NPAS3: variants seen among roughly 807,000 people sequenced by gnomAD.
NPAS3 encodes neuronal PAS domain protein 3, also known as neuronal PAS domain-containing protein 3.
A neutral mutation model predicts 73.1 loss-of-function variants in NPAS3; 14 were observed. The observed-to-expected ratio is 0.19, with a 90% CI of 0.13 to 0.30. The LOEUF is 0.30. NPAS3 is among the 10% of genes least tolerant of loss of function. The pLI is 1.00. For synonymous variants in NPAS3, 620 were observed against 541.5 expected, an observed-to-expected ratio of 1.14 and a Z score of -2.01; for missense variants, 1,096 against 1,250.0, an observed-to-expected ratio of 0.88 and a Z score of 1.86.
chr14:32,999,322 T>G (rs913727402), intron 1 of NPAS3, among the ~76,000 whole-genome samples: 11 of 152,042 alleles, frequency 7.2e-5, no homozygotes, highest in African/African-American at 2.7e-4. Flanking sequence ...CCATCCTGGC[T>G]AACACGGTGA....
At chr14:33,772,178 A>C (rs2062675542) in intron 7 of NPAS3, among the ~76,000 whole-genome samples, 1 of 152,196 alleles carries the variant, frequency 6.6e-6, no homozygotes, top group South Asian at 2.1e-4. Context: ...CGTAATAATA[A>C]AATGTGTAGA....
chr14:33,197,851 TCTCA>T (rs1443801105), intron 2 of NPAS3, among the ~76,000 whole-genome samples: 1 of 152,244 alleles, frequency 6.6e-6, no homozygotes, highest in Non-Finnish European at 1.5e-5. Flanking sequence ...GGATTCTTGG[TCTCA>T]CTGACTTCAA....
At chr14:33,323,864 G>A (rs2043569385) in intron 3 of NPAS3, among the ~76,000 whole-genome samples, 1 of 152,200 alleles carries the variant, frequency 6.6e-6, no homozygotes, top group African/African-American at 2.4e-5. Flanking sequence ...TCTCAAGACA[G>A]GCAGGTAGCC....
intron 4 of NPAS3, among the ~76,000 whole-genome samples, chr14:33,495,270 C>T (rs1010794253): frequency 7.9e-5 from 12 of 151,982 alleles, no homozygotes; most frequent in Admixed American, 1.3e-4. Context: ...TTCAGTTTTC[C>T]GTGTAGTTGT....
intron 2 of NPAS3, among the ~76,000 whole-genome samples, chr14:33,192,187 T>C (rs1323533204): frequency 1.3e-5 from 2 of 152,158 alleles, no homozygotes; most frequent in Admixed American, 1.3e-4. Flanking sequence ...CCTGCCCTCC[T>C]CACCTGTAGA....
At chr14:33,240,035 C>G (rs181848588) in intron 3 of NPAS3, among the ~76,000 whole-genome samples, 153 of 151,890 alleles carry the variant, frequency 1.0e-3, no homozygotes, top group African/African-American at 3.4e-3. Flanking sequence ...TACTAAATAG[C>G]CTATTCCACT....
At chr14:33,711,533 G>C (rs1003802078) in intron 6 of NPAS3, among the ~76,000 whole-genome samples, 1 of 152,148 alleles carries the variant, frequency 6.6e-6, no homozygotes, top group Non-Finnish European at 1.5e-5. Flanking sequence ...TAACTTCAAA[G>C]AATCTTTTGA....
chr14:33,794,668 A>C (rs2063460894), intron 10 of NPAS3, among the ~76,000 whole-genome samples: 1 of 149,600 alleles, frequency 6.7e-6, no homozygotes, highest in Admixed American at 6.7e-5. Flanking sequence ...ACTGCTCTTA[A>C]AATGTGTCCT....
At chr14:33,189,757 C>A (rs536813308) in intron 2 of NPAS3, among the ~76,000 whole-genome samples, 1 of 152,224 alleles carries the variant, frequency 6.6e-6, no homozygotes, top group Admixed American at 6.5e-5. Context: ...GTTTATAGAT[C>A]TAAATACTTG....
intron 2 of NPAS3, among the ~76,000 whole-genome samples, chr14:33,121,187 A>T (rs1157444561): frequency 6.6e-6 from 1 of 152,090 alleles, no homozygotes; most frequent in East Asian, 1.9e-4. Flanking sequence ...CCCTGAGCAC[A>T]TTGTATTCTT....
At chr14:33,620,641 A>G (rs572195217) in intron 5 of NPAS3, among the ~76,000 whole-genome samples, 225 of 152,332 alleles carry the variant, frequency 1.5e-3, no homozygotes, top group African/African-American at 4.9e-3. Flanking sequence ...TTAATTTGAA[A>G]TTAATTTCAA....
intron 2 of NPAS3, among the ~76,000 whole-genome samples, chr14:33,201,572 T>A (rs1189898652): frequency 6.6e-6 from 1 of 152,206 alleles, no homozygotes; most frequent in Admixed American, 6.5e-5. Context: ...AAGATAGGTA[T>A]ATTTAAGAAA....
chr14:33,208,856 C>A (rs1239299456), intron 2 of NPAS3, among the ~76,000 whole-genome samples: 5 of 152,156 alleles, frequency 3.3e-5, no homozygotes, highest in African/African-American at 4.8e-5. Context: ...GAGCATCAGA[C>A]CATCAAACAG....
intron 2 of NPAS3, among the ~76,000 whole-genome samples, chr14:33,092,268 C>CAA (rs554076971): frequency 0.19 from 28,538 of 151,652 alleles, 3,034 homozygotes; most frequent in African/African-American, 0.29. Context: ...GCAACTTCAG[C>CAA]AGTCTCAGGA....
At chr14:33,491,890 T>C (rs2051915451) in intron 4 of NPAS3, among the ~76,000 whole-genome samples, 1 of 152,144 alleles carries the variant, frequency 6.6e-6, no homozygotes, top group African/African-American at 2.4e-5. Context: ...AATGTACACA[T>C]AGCCAAATGT....
intron 9 of NPAS3, chr14:33,780,682 C>T (rs1318998569): frequency 1.6e-5 from 7 of 444,784 alleles, no homozygotes; most frequent in Middle Eastern, 3.3e-4. Context: ...GTTCATTTCT[C>T]CCCATTAAGC....
chr14:33,716,574 C>G (rs2060963029), intron 6 of NPAS3, among the ~76,000 whole-genome samples: 1 of 152,128 alleles, frequency 6.6e-6, no homozygotes, highest in South Asian at 2.1e-4. Context: ...GTCTCTAGAA[C>G]TTTTTCATCA....
At chr14:32,938,855 C>CCCT (rs1039037726), upstream of NPAS3, among the ~76,000 whole-genome samples, 138 of 145,902 alleles carry the variant, frequency 9.5e-4, no homozygotes, top group African/African-American at 3.0e-3. Flanking sequence ...CGCCGCCTCC[C>CCCT]CCTCCTCCTC....
At chr14:33,795,499 T>C (rs541927788) in intron 10 of NPAS3, among the ~76,000 whole-genome samples, 3 of 152,182 alleles carry the variant, frequency 2.0e-5, no homozygotes, top group Non-Finnish European at 4.4e-5. Flanking sequence ...AATAAGGTCT[T>C]GTGGCACTGA....
Sources: allele counts gnomAD v4.1 joint callset (sites outside exome capture counted in the v4.1 genomes callset), GRCh38; gene constraint gnomAD v4.1.1; transcripts MANE v1.5; gene names NCBI Gene and HGNC (gene_info 2026-07-23, HGNC 2026-07-21).